CHST11: variants seen among roughly 807,000 people sequenced by gnomAD.
The protein encoded by CHST11 is C4S-1.
Under a neutral mutation model 30.4 loss-of-function variants are expected in CHST11, and 9 were observed. That is an observed-to-expected ratio of 0.30 (90% CI 0.18 to 0.52). The LOEUF is 0.52. Ranked by LOEUF, CHST11 falls within the 20% of genes least tolerant of loss-of-function variation. The pLI, the probability that CHST11 is intolerant of heterozygous loss-of-function variation, is 0.97. For missense variants in CHST11, 348 were observed against 460.6 expected (o/e 0.76, Z 2.24); for synonymous variants, 152 against 187.8 (o/e 0.81, Z 1.56).
chr12:104,637,902 C>T (rs567410552), intron 2 of CHST11, among the ~76,000 whole-genome samples: 7 of 152,312 alleles, frequency 4.6e-5, no homozygotes, highest in African/African-American at 1.4e-4. Flanking sequence ...CACAAGCTCC[C>T]GGCACTTCTC....
chr12:104,694,144 G>A (rs747758592), intron 2 of CHST11, among the ~76,000 whole-genome samples: 8 of 152,204 alleles, frequency 5.3e-5, no homozygotes, highest in Non-Finnish European at 1.0e-4. Context: ...AGAAAGCTTT[G>A]CCAGGTATTG....
chr12:104,557,287 T>G (rs1172947843), intron 1 of CHST11, among the ~76,000 whole-genome samples: 3 of 152,184 alleles, frequency 2.0e-5, no homozygotes, highest in Non-Finnish European at 4.4e-5. Flanking sequence ...GCTGTGCACC[T>G]GGGAACAGGG....
At position 104,642,471 on chromosome 12, in the gene CHST11, G is replaced by A. The variant is rs181804735; in HGVS notation, c.204+40480G>A. On this transcript the variant is annotated intron_variant, in intron 2 of 2. Coordinates refer to ENST00000303694, the MANE Select transcript of CHST11 (RefSeq NM_018413.6). Reference sequence around the variant, plus strand: ...GCTGGAGTGCAGTGGCGCAATCGTGGCTTACTGCAGCTTCATCCTCCCAGG... The same window carrying A: ...GCTGGAGTGCAGTGGCGCAATCGTGACTTACTGCAGCTTCATCCTCCCAGG... Among the ~76,000 whole-genome samples the A allele has an allele frequency of 2.2e-3, 330 of 152,222 alleles. 1 individual carries two copies. Among genetic ancestry groups the A allele is most frequent in the Non-Finnish European group, 3.6e-3 (243 of 68,022 alleles).
chr12:104,671,608 C>T lies in CHST11; in HGVS notation c.204+69617C>T, dbSNP rs547351236. On this transcript the variant is annotated intron_variant, in intron 2 of 2. Transcript: ENST00000303694. The stretch of plus-strand genomic sequence containing the variant: ...CAGTTATCTCAGGCAGCCTAGAGAA[C>T]GCCTACAGTGTGAGCAAAGCCACTG... Among the ~76,000 whole-genome samples, 6 of 152,264 alleles carry T rather than the reference C, an allele frequency of 3.9e-5. No individual in the cohort carries two copies. The East Asian group carries it at 5.8e-4, about 15-fold the overall frequency.
At chr12:104,731,785 T>C (rs2040260488) in intron 2 of CHST11, among the ~76,000 whole-genome samples, 1 of 152,262 alleles carries the variant, frequency 6.6e-6, no homozygotes, top group African/African-American at 2.4e-5. Context: ...TGGCATAATG[T>C]CCATCCGTGT....
At chr12:104,652,571 A>G (rs191468119) in intron 2 of CHST11, among the ~76,000 whole-genome samples, 28 of 152,308 alleles carry the variant, frequency 1.8e-4, no homozygotes, top group African/African-American at 6.5e-4. Context: ...TTTAGATGCT[A>G]TTTTATTGCA....
intron 2 of CHST11, among the ~76,000 whole-genome samples, chr12:104,715,103 G>A (rs550588795): frequency 7.9e-5 from 12 of 152,326 alleles, no homozygotes; most frequent in African/African-American, 2.2e-4. Context: ...GGTGGCTCAC[G>A]CCTGTAATCC....
rs191791224 is a variant in CHST11, at chr12:104,598,546, C to T, written c.119-3360C>T. Among the ~76,000 whole-genome samples, 149 of 152,288 alleles carry T rather than the reference C, an allele frequency of 9.8e-4. 1 individual carries two copies. The highest frequency in any genetic ancestry group is 3.4e-3 in the African/African-American group (142 of 41,570). On this transcript the variant is annotated intron_variant, in intron 1 of 2. Coordinates refer to ENST00000303694, the MANE Select transcript of CHST11 (RefSeq NM_018413.6). ...CTTATTAAAATGCAGATTCCTGGGC[C>T]TTAACTTCCATCTCCCCCTCCTTCT...
At chr12:104,472,247 C>A (rs2037517549) in intron 1 of CHST11, among the ~76,000 whole-genome samples, 1 of 151,242 alleles carries the variant, frequency 6.6e-6, no homozygotes, top group Non-Finnish European at 1.5e-5. Context: ...ACTGGGAGTA[C>A]AGGCGTGAGC....
At position 104,482,493 on chromosome 12, in the gene CHST11, C is replaced by G. The variant is rs115669193; in HGVS notation, c.118+24964C>G. Among the ~76,000 whole-genome samples, 488 of 152,292 alleles carry G rather than the reference C, an allele frequency of 3.2e-3. 4 individuals carry two copies. Among genetic ancestry groups the G allele is most frequent in the African/African-American group, 0.011 (466 of 41,560 alleles). Reference sequence around the variant, plus strand: ...TTCCTAGACCATGTGGCCACTGCCTCCCTTCCCTTTCCCCACCCTCAGTGT... The same window carrying G: ...TTCCTAGACCATGTGGCCACTGCCTGCCTTCCCTTTCCCCACCCTCAGTGT... On this transcript the variant is annotated intron_variant, in intron 1 of 2. Transcript: ENST00000303694.
intron 2 of CHST11, among the ~76,000 whole-genome samples, chr12:104,717,394 T>G (rs990937525): frequency 2.0e-5 from 3 of 152,176 alleles, no homozygotes; most frequent in African/African-American, 7.2e-5. Flanking sequence ...ATGGTATCTC[T>G]TTCTGAATTG....
At chr12:104,512,171 A>T (rs1565969428) in intron 1 of CHST11, among the ~76,000 whole-genome samples, 1 of 152,230 alleles carries the variant, frequency 6.6e-6, no homozygotes, top group Non-Finnish European at 1.5e-5. Flanking sequence ...AATTATTAAG[A>T]TATACAAAAT....
chr12:104,713,720 AT>A (rs2040106565), intron 2 of CHST11, among the ~76,000 whole-genome samples: 1 of 152,002 alleles, frequency 6.6e-6, no homozygotes, highest in South Asian at 2.1e-4. Flanking sequence ...GTGTTTCCTG[AT>A]TTGAGGCCAT....
At chr12:104,556,553 G>A (rs1459464706) in intron 1 of CHST11, among the ~76,000 whole-genome samples, 5 of 152,198 alleles carry the variant, frequency 3.3e-5, no homozygotes, top group African/African-American at 2.4e-5. Context: ...TTCTGTGGTC[G>A]TTGGCAATCC....
At chr12:104,544,981 C>T (rs936909659) in intron 1 of CHST11, among the ~76,000 whole-genome samples, 2 of 152,046 alleles carry the variant, frequency 1.3e-5, no homozygotes, top group African/African-American at 4.8e-5. Context: ...AGGGCAGCGT[C>T]CTTGTTCTGA....
In CHST11 at chr12:104,562,632, C is replaced by T. The variant is rs893041565; in HGVS notation, c.119-39274C>T. ...AAATCATTATCCAACGAAAGGTGAT[C>T]GTATCCTGGTTTAGTTGCAAGATTT... On this transcript the variant is annotated intron_variant, in intron 1 of 2. Coordinates refer to ENST00000303694, the MANE Select transcript of CHST11 (RefSeq NM_018413.6). Among the ~76,000 whole-genome samples the T allele has an allele frequency of 5.3e-5, 8 of 152,174 alleles. No homozygotes were observed. In the South Asian group the frequency reaches 6.2e-4, roughly 12 times the overall value.
chr12:104,539,647 A>G (rs952070856), intron 1 of CHST11, among the ~76,000 whole-genome samples: 3 of 152,196 alleles, frequency 2.0e-5, no homozygotes, highest in African/African-American at 7.2e-5. Flanking sequence ...TCACACCCCC[A>G]AAATTGTCAG....
At chr12:104,471,635 A>G (rs974543570) in intron 1 of CHST11, among the ~76,000 whole-genome samples, 2 of 152,230 alleles carry the variant, frequency 1.3e-5, no homozygotes, top group African/African-American at 4.8e-5. Context: ...GTGGAAATAC[A>G]CTGCTGCTGC....
intron 2 of CHST11, among the ~76,000 whole-genome samples, chr12:104,605,506 G>T (rs1335124756): frequency 6.6e-6 from 1 of 152,236 alleles, no homozygotes; most frequent in Non-Finnish European, 1.5e-5. Context: ...GTGAGCCCGG[G>T]AGGCGGAGCT....
Sources: allele counts gnomAD v4.1 joint callset (sites outside exome capture counted in the v4.1 genomes callset), GRCh38; gene constraint gnomAD v4.1.1; transcripts MANE v1.5; gene names NCBI Gene and HGNC (gene_info 2026-07-23, HGNC 2026-07-21).